SPATA17: variants seen among roughly 807,000 people sequenced by gnomAD.
SPATA17 encodes spermatogenesis associated 17, also known as spermatogenesis-associated protein 17.
Under a neutral mutation model 62.2 loss-of-function variants are expected in SPATA17, and 53 were observed. The ratio of observed to expected loss-of-function variants is 0.85; its 90% CI spans 0.68 to 1.07. The LOEUF (loss-of-function observed/expected upper bound fraction) is 1.07. Ranked by LOEUF, SPATA17 falls within the 50% of genes least tolerant of loss-of-function variation. The probability of loss-of-function intolerance (pLI) is 0.00; values close to 1 mark genes in which losing one functional copy is unlikely to be tolerated. For synonymous variants in SPATA17, 146 were observed against 146.8 expected (o/e 0.99, Z 0.04); for missense variants, 466 against 425.5 (o/e 1.10, Z -0.84).
At chr1:217,637,574 C>T (rs372874575) in intron 1 of SPATA17, among the ~76,000 whole-genome samples, 8 of 152,246 alleles carry the variant, frequency 5.3e-5, no homozygotes, top group East Asian at 3.9e-4. Context: ...TTCCTATAAA[C>T]GGAATAAATT....
intron 3 of SPATA17, among the ~76,000 whole-genome samples, chr1:217,666,125 G>A (rs764944240): frequency 1.1e-4 from 17 of 151,846 alleles, no homozygotes; most frequent in African/African-American, 9.7e-5. Context: ...ATTTTCGCCC[G>A]AGATCTTTCA....
At chr1:217,703,862 A>G (rs1043235933) in intron 5 of SPATA17, among the ~76,000 whole-genome samples, 10 of 151,954 alleles carry the variant, frequency 6.6e-5, no homozygotes, top group Non-Finnish European at 1.5e-4. Flanking sequence ...AGTAATTTGT[A>G]CCTATTTTCC....
At chr1:217,697,204 C>T (rs1025963239) in intron 5 of SPATA17, among the ~76,000 whole-genome samples, 1 of 152,176 alleles carries the variant, frequency 6.6e-6, no homozygotes, top group Non-Finnish European at 1.5e-5. Context: ...TGGTGTTGAA[C>T]TCCTGACCTC....
intron 9 of SPATA17, among the ~76,000 whole-genome samples, chr1:217,836,192 G>A (rs186359840): frequency 1.2e-4 from 18 of 152,176 alleles, no homozygotes; most frequent in Middle Eastern, 3.4e-3. Flanking sequence ...AGAATCTGTC[G>A]GGCAGTTATA....
intron 2 of SPATA17, among the ~76,000 whole-genome samples, chr1:217,649,691 TAA>T (rs1406587150): frequency 2.0e-5 from 3 of 150,298 alleles, no homozygotes; most frequent in Non-Finnish European, 4.4e-5. Context: ...ATTCTGACTA[TAA>T]AAAGAGACAG....
chr1:217,664,204 G>A (rs1161237392), intron 3 of SPATA17, among the ~76,000 whole-genome samples: 1 of 151,728 alleles, frequency 6.6e-6, no homozygotes, highest in Non-Finnish European at 1.5e-5. Flanking sequence ...GGAATTGAAT[G>A]TGCTGTTGAC....
intron 1 of SPATA17, among the ~76,000 whole-genome samples, chr1:217,636,131 C>CAAAAAAAAAA (rs397982927): frequency 9.8e-6 from 1 of 101,658 alleles, no homozygotes; most frequent in Non-Finnish European, 1.9e-5. Flanking sequence ...GACTCCGTCT[C>CAAAAAAAAAA]AAAAAAAAAA....
chr1:217,771,598 T>C (rs1187538773), intron 6 of SPATA17, among the ~76,000 whole-genome samples: 1 of 152,154 alleles, frequency 6.6e-6, no homozygotes, highest in Non-Finnish European at 1.5e-5. Flanking sequence ...GCTGGACTGT[T>C]TTTATTGACA....
chr1:217,744,251 A>C (rs1672697040), intron 6 of SPATA17, among the ~76,000 whole-genome samples: 1 of 110,884 alleles, frequency 9.0e-6, no homozygotes. Flanking sequence ...TCACGAGGTC[A>C]AGAGATCGAG....
chr1:217,646,726 C>G (rs1571702142), intron 1 of SPATA17, among the ~76,000 whole-genome samples: 1 of 152,120 alleles, frequency 6.6e-6, no homozygotes, highest in East Asian at 1.9e-4. Flanking sequence ...GAAACCCTGT[C>G]TCTACTAAAA....
intron 6 of SPATA17, among the ~76,000 whole-genome samples, chr1:217,746,188 A>G (rs898440103): frequency 9.2e-5 from 14 of 152,182 alleles, no homozygotes; most frequent in Admixed American, 1.3e-4. Flanking sequence ...AAAGATTTGT[A>G]TCAATTTTAA....
chr1:217,738,327 A>T (rs1432843622), intron 5 of SPATA17, among the ~76,000 whole-genome samples: 1 of 152,184 alleles, frequency 6.6e-6, no homozygotes, highest in African/African-American at 2.4e-5. Context: ...TTCATTCCAC[A>T]AAGTGCACTC....
intron 5 of SPATA17, 123 bp from the exon 6 acceptor site, chr1:217,741,852 A>G: frequency 1.0e-6 from 1 of 1,000,902 alleles, no homozygotes; most frequent in South Asian, 1.7e-5. Flanking sequence ...AAGATAGATT[A>G]CACCACTGAT....
At chr1:217,698,524 T>A (rs1383792118) in intron 5 of SPATA17, among the ~76,000 whole-genome samples, 2 of 147,744 alleles carry the variant, frequency 1.4e-5, no homozygotes, top group East Asian at 2.0e-4. Context: ...TCTTTCCTTT[T>A]AAAAAAAAAA....
chr1:217,770,978 A>AATTTTTTTTTTTTTTT lies in SPATA17; in HGVS notation c.520-3356_520-3355insATTTTTTTTTTTTTTT, dbSNP rs1553251071. ...ATGTATCTATTATATAACTCATTGCATTTTTTTTTTTTTTTTTTTTTTTTT... is the reference window on the plus strand; with the variant it reads ...ATGTATCTATTATATAACTCATTGCAATTTTTTTTTTTTTTTTTTTTTTTTTTTTTTTTTTTTTTTT... On this transcript the variant is annotated intron_variant, in intron 6 of 10. Transcript: ENST00000366933. Among the ~76,000 whole-genome samples the AATTTTTTTTTTTTTTT allele has an allele frequency of 1.8e-3, 92 of 50,154 alleles. 13 individuals carry two copies. The highest frequency in any genetic ancestry group is 2.4e-3 in the Non-Finnish European group (73 of 30,436). The allele number at this position is 50,154 out of a possible 152,430, so 32.9% of individuals were successfully genotyped here.
chr1:217,857,750 A>C (rs934030336), intron 9 of SPATA17, among the ~76,000 whole-genome samples: 8 of 152,142 alleles, frequency 5.3e-5, no homozygotes, highest in African/African-American at 1.9e-4. Context: ...GGTCACAGCT[A>C]TTGGTTGACT....
intron 7 of SPATA17, among the ~76,000 whole-genome samples, chr1:217,775,081 C>A (rs990512235): frequency 6.6e-6 from 1 of 152,200 alleles, no homozygotes; most frequent in Non-Finnish European, 1.5e-5. Flanking sequence ...TACTGTTTCT[C>A]ATAGCATCTA....
intron 6 of SPATA17, among the ~76,000 whole-genome samples, chr1:217,752,172 G>T (rs1348057778): frequency 6.6e-6 from 1 of 152,086 alleles, no homozygotes; most frequent in Non-Finnish European, 1.5e-5. Context: ...CTACAGGCAG[G>T]TGCCATCACA....
rs1034754392 is a variant in SPATA17, at chr1:217,741,961, T to C, written c.396-14T>C. On this transcript the variant is annotated splice_polypyrimidine_tract_variant and intron_variant, in intron 5 of 10. Coordinates refer to ENST00000366933, the MANE Select transcript of SPATA17 (RefSeq NM_138796.4). ...ACATAGTATCATAAATAACTGCAGA[T>C]GGTTTTGATGCAGGAAGGCACTGGA... 6.2e-7 allele frequency: 1 copy of C among 1,613,132 alleles called. No homozygotes were observed. Among genetic ancestry groups the C allele is most frequent in the African/African-American group, 1.3e-5 (1 of 74,738 alleles).
Sources: allele counts gnomAD v4.1 joint callset (sites outside exome capture counted in the v4.1 genomes callset), GRCh38; gene constraint gnomAD v4.1.1; transcripts MANE v1.5; gene names NCBI Gene and HGNC (gene_info 2026-07-23, HGNC 2026-07-21).